Variants in LRRC74B observed in about 807,000 individuals in gnomAD.
LRRC74B encodes the protein leucine rich repeat containing 74B, also known as leucine-rich repeat-containing protein 74B.
LRRC74B carries 30 observed loss-of-function variants against 16.6 expected under a neutral mutation model. The observed-to-expected ratio is 1.80, with a 90% CI of 1.35 to 2.45. The LOEUF (loss-of-function observed/expected upper bound fraction) is 2.45, where lower values mean the gene tolerates loss of function less well. LRRC74B is among the 30% of genes most tolerant of loss of function. The probability of loss-of-function intolerance (pLI) is 0.00; values close to 1 mark genes in which losing one functional copy is unlikely to be tolerated. For synonymous variants in LRRC74B, 134 were observed against 86.0 expected, an observed-to-expected ratio of 1.56 and a Z score of -3.09; for missense variants, 326 against 202.4, an observed-to-expected ratio of 1.61 and a Z score of -3.71.
intron 4 of LRRC74B, among the ~76,000 whole-genome samples, chr22:21,049,722 G>C (rs1569196015): frequency 6.6e-6 from 1 of 151,768 alleles, no homozygotes; most frequent in Non-Finnish European, 1.5e-5. Context: ...AGGCTGTGGG[G>C]TGGAGAGGGC....
chr22:21,046,200 T>C, intron 1 of LRRC74B, 75 bp downstream of exon 1: 2 of 698,134 alleles, frequency 2.9e-6, no homozygotes, highest in Non-Finnish European at 5.3e-6. Context: ...GGAGGCGGGC[T>C]GGGGCTAAGG....
At chr22:21,063,385 A>G (rs1412122995), downstream of LRRC74B, 2 of 152,122 alleles carry the variant, frequency 1.3e-5, no homozygotes, top group Non-Finnish European at 2.9e-5. Context: ...CGCAGAATTT[A>G]TCAGGTCCGG....
chr22:21,049,517 C>T (rs1442351937), intron 4 of LRRC74B: 1 of 197,998 alleles, frequency 5.1e-6, no homozygotes, highest in East Asian at 1.4e-4. Context: ...AACAGGGACC[C>T]CCTACTTTAA....
chr22:21,053,066 G>A (rs2148151501), intron 5 of LRRC74B, among the ~76,000 whole-genome samples: 1 of 152,218 alleles, frequency 6.6e-6, no homozygotes, highest in South Asian at 2.1e-4. Flanking sequence ...AATGTTTCTG[G>A]GGCCTGCTGC....
downstream of LRRC74B, chr22:21,061,752 T>A (rs1930816598): frequency 6.6e-6 from 1 of 152,198 alleles, no homozygotes; most frequent in Non-Finnish European, 1.5e-5. Context: ...TGAAGACATA[T>A]GTCCCCACAA....
exon 6 of LRRC74B, chr22:21,053,387 A>G (rs377677328): frequency 9.8e-6 from 7 of 717,306 alleles, no homozygotes; most frequent in Middle Eastern, 2.3e-4. Context: ...AGTTCTAGAC[A>G]TCTCATACAA....
At chr22:21,052,407 G>C (rs1019533333) in intron 5 of LRRC74B, 49 bp downstream of exon 5, 1 of 714,606 alleles carries the variant, frequency 1.4e-6, no homozygotes, top group Non-Finnish European at 2.6e-6. Flanking sequence ...GCTGGGGCCT[G>C]TCTCCCAGGG....
At chr22:21,060,630 G>A, downstream of LRRC74B, 1 of 618,638 alleles carries the variant, frequency 1.6e-6, no homozygotes, top group South Asian at 2.0e-5. Context: ...TCTGCACTGA[G>A]TCCTCACGTC....
At chr22:21,059,808 C>T (rs1323851720) in intron 8 of LRRC74B, among the ~76,000 whole-genome samples, 1 of 151,994 alleles carries the variant, frequency 6.6e-6, no homozygotes, top group African/African-American at 2.4e-5. Flanking sequence ...TGAACATAAG[C>T]TGAGATGACA....
At chr22:21,051,803 G>A (rs544587995) in intron 4 of LRRC74B, among the ~76,000 whole-genome samples, 2 of 152,156 alleles carry the variant, frequency 1.3e-5, no homozygotes, top group African/African-American at 2.4e-5. Flanking sequence ...CCAAGCCTGC[G>A]TGCATTTCCA....
intron 3 of LRRC74B, chr22:21,048,655 TC>T (rs1447825855): frequency 2.4e-6 from 1 of 418,404 alleles, no homozygotes; most frequent in Non-Finnish European, 4.4e-6. Context: ...GGTGGTGATA[TC>T]ACTGCCAGAT....
Position 21,052,238 on chromosome 22 carries a change from T to A in LRRC74B, c.623-11T>A. The stretch of plus-strand genomic sequence containing the variant: ...GAGTGAGTCAGAAGGTCTCTCTTGG[T>A]GTTTCTGAAGGGGAGACACTTGGAC... On this transcript the variant is annotated splice_polypyrimidine_tract_variant and intron_variant, in intron 4 of 8. Coordinates refer to ENST00000442047, the Ensembl canonical transcript of LRRC74B. 1 of 717,470 alleles carries A rather than the reference T, an allele frequency of 1.4e-6. No homozygotes were observed. The highest frequency in any genetic ancestry group is 2.6e-6 in the Non-Finnish European group (1 of 385,068). The allele number at this position is 717,470 out of a possible 1,614,324, so 44.4% of individuals were successfully genotyped here. A position where few individuals can be genotyped will look rare whatever the true frequency, so the allele number is the denominator to read the frequency against.
At chr22:21,057,467 A>G (rs1462080745) in intron 8 of LRRC74B, among the ~76,000 whole-genome samples, 2 of 151,340 alleles carry the variant, frequency 1.3e-5, no homozygotes, top group African/African-American at 4.9e-5. Context: ...AGGTCTGGGC[A>G]TGATGCTCCC....
intron 8 of LRRC74B, 60 bp downstream of exon 8, chr22:21,057,260 A>G: frequency 1.5e-6 from 1 of 680,800 alleles, no homozygotes; most frequent in Admixed American, 2.5e-5. Context: ...AGGTATCATA[A>G]TTTTAGAAGA....
intron 3 of LRRC74B, chr22:21,048,645 G>T: frequency 2.5e-6 from 1 of 405,664 alleles, no homozygotes; most frequent in Non-Finnish European, 4.6e-6. Context: ...TTCTGAAGTG[G>T]GTGGTGATAT....
chr22:21,060,680 C>T (rs574525686), downstream of LRRC74B: 1 of 572,778 alleles, frequency 1.7e-6, no homozygotes, highest in East Asian at 2.9e-5. Context: ...CACACCTGTA[C>T]CCTCCTCTGT....
rs564742248 is a variant in LRRC74B at position 21,055,683 on chromosome 22, G to C, written c.927+507G>C. 3.9e-5 allele frequency among the ~76,000 whole-genome samples: 6 copies of C among 152,264 alleles called. No individual in the cohort carries two copies. The South Asian group carries it at 1.0e-3, about 26-fold the overall frequency. ...GGACCACTGTGCCCACAGCAGGTAC[G>C]TGCTGGGGGACAGTATTGCCAGCTG... On this transcript the variant is annotated intron_variant, in intron 7 of 8. Transcript: ENST00000442047.
At chr22:21,052,971 G>A (rs1179726073) in intron 5 of LRRC74B, among the ~76,000 whole-genome samples, 10 of 152,144 alleles carry the variant, frequency 6.6e-5, no homozygotes, top group Non-Finnish European at 1.0e-4. Context: ...ATCACAGTAC[G>A]CTGGACAGGT....
chr22:21,048,252 G>A, intron 3 of LRRC74B: 1 of 519,600 alleles, frequency 1.9e-6, no homozygotes, highest in Admixed American at 3.2e-5. Context: ...CCCCTCCCTT[G>A]CTGGCCAGCA....
Sources: gnomAD v4.1 joint callset for allele counts (sites outside exome capture counted in the v4.1 genomes callset) on GRCh38, gnomAD v4.1.1 for gene constraint, MANE v1.5 for transcripts, NCBI Gene and HGNC (gene_info 2026-07-23, HGNC 2026-07-21) for gene names.